Variants in EPHB1 observed in about 807,000 individuals in gnomAD.
EPHB1 encodes the protein EPH receptor B1, also known as ephrin type-B receptor 1.
EPHB1 carries 30 observed loss-of-function variants against 94.4 expected under a neutral mutation model. That is an observed-to-expected ratio of 0.32 (90% confidence interval 0.24 to 0.43). The LOEUF (loss-of-function observed/expected upper bound fraction) is 0.43, where lower values mean the gene tolerates loss of function less well. Among genes scored for constraint, EPHB1 ranks in the 20% least tolerant of loss-of-function variants. The pLI, the probability that EPHB1 is intolerant of heterozygous loss-of-function variation, is 1.00. For missense variants in EPHB1, 1,055 were observed against 1,308.3 expected (o/e 0.81, Z 2.99); for synonymous variants, 522 against 489.1 (o/e 1.07, Z -0.89).
Position 135,154,226 on chromosome 3 carries a change from G to A in EPHB1, c.1372G>A (p.Glu458Lys). The A allele has an allele frequency of 6.2e-7, 1 of 1,614,012 alleles. No homozygotes were observed. Among genetic ancestry groups the A allele is most frequent in the Non-Finnish European group, 8.5e-7 (1 of 1,179,876 alleles). Residue 458 changes from glutamate to lysine, a missense_variant, in exon 6 of 16, where the codon GAG becomes AAG. By Grantham distance (56) the Glu-to-Lys change is moderately conservative. Coordinates refer to ENST00000398015, the MANE Select transcript of EPHB1 (RefSeq NM_004441.5). ...RSITLSWPQPEQPNGIILDYE... is the reference protein window; with the variant it reads ...RSITLSWPQPKQPNGIILDYE... Reference sequence around the variant, plus strand: ...CATCACCTTGTCATGGCCACAGCCGGAGCAGCCCAATGGCATCATCCTGGA... The same window carrying A: ...CATCACCTTGTCATGGCCACAGCCGAAGCAGCCCAATGGCATCATCCTGGA...
At chr3:134,899,348 C>A (rs571226342) in intron 1 of EPHB1, among the ~76,000 whole-genome samples, 1 of 152,192 alleles carries the variant, frequency 6.6e-6, no homozygotes, top group South Asian at 2.1e-4. Flanking sequence ...TGTTCCTTTA[C>A]TCTCCTCATT....
intron 1 of EPHB1, among the ~76,000 whole-genome samples, chr3:134,815,500 A>G (rs1362075932): frequency 6.6e-6 from 1 of 152,198 alleles, no homozygotes; most frequent in Admixed American, 6.5e-5. Context: ...ATGTGGCAAA[A>G]TGTTAAAAAT....
intron 1 of EPHB1, among the ~76,000 whole-genome samples, chr3:134,858,365 T>C (rs1396913595): frequency 1.3e-5 from 2 of 152,092 alleles, no homozygotes; most frequent in African/African-American, 4.8e-5. Context: ...CAGTGGCACG[T>C]GGGAGGGCGT....
chr3:134,809,003 T>C (rs1578102304), intron 1 of EPHB1, among the ~76,000 whole-genome samples: 2 of 152,344 alleles, frequency 1.3e-5, no homozygotes, highest in South Asian at 4.1e-4. Flanking sequence ...TTGATATCCA[T>C]TGGAGAGCAA....
At chr3:135,223,210 G>A (rs1220100110) in intron 12 of EPHB1, among the ~76,000 whole-genome samples, 1 of 152,172 alleles carries the variant, frequency 6.6e-6, no homozygotes, top group Non-Finnish European at 1.5e-5. Flanking sequence ...ATATGAGTCT[G>A]TCCACATGGG....
chr3:135,037,023 G>A (rs1936667643), intron 3 of EPHB1, among the ~76,000 whole-genome samples: 1 of 152,090 alleles, frequency 6.6e-6, no homozygotes, highest in Admixed American at 6.5e-5. Flanking sequence ...TAGATGGATT[G>A]TTGTTCTTTA....
At chr3:134,803,215 T>A (rs1032660391) in intron 1 of EPHB1, among the ~76,000 whole-genome samples, 1 of 152,154 alleles carries the variant, frequency 6.6e-6, no homozygotes, top group African/African-American at 2.4e-5. Context: ...GCGTCTCTCA[T>A]CTCTCCCCTC....
intron 12 of EPHB1, among the ~76,000 whole-genome samples, chr3:135,225,855 A>G (rs904130622): frequency 6.6e-6 from 1 of 151,932 alleles, no homozygotes; most frequent in Non-Finnish European, 1.5e-5. Flanking sequence ...ACAGGCAGGG[A>G]AGCAAAGACC....
At chr3:134,904,618 A>G (rs977584727) in intron 1 of EPHB1, among the ~76,000 whole-genome samples, 5 of 152,156 alleles carry the variant, frequency 3.3e-5, no homozygotes, top group Non-Finnish European at 7.3e-5. Context: ...TAGCTGGGAG[A>G]AATACCTCCT....
chr3:134,918,234 G>A (rs774119253), intron 1 of EPHB1, among the ~76,000 whole-genome samples: 9 of 152,192 alleles, frequency 5.9e-5, no homozygotes, highest in South Asian at 2.1e-4. Flanking sequence ...TCTTTCAGGT[G>A]TGTAGAGGGG....
In EPHB1 at chr3:135,201,818, A is replaced by G. The variant is rs146994501; in HGVS notation, c.2346+129A>G. 259 of 894,990 alleles carry G rather than the reference A, an allele frequency of 2.9e-4. 1 individual carries two copies. In the African/African-American group the frequency reaches 3.9e-3, roughly 14 times the overall value. 55.4% of individuals were successfully genotyped at this position (894,990 alleles called of 1,614,324 possible). On this transcript the variant is annotated intron_variant, in intron 12 of 15. Transcript: ENST00000398015. ...GAACTGAGCTCTCCACTGAAAGACCAAGATGCCAGGAGGACCATCCAGCTG... is the reference window on the plus strand; with the variant it reads ...GAACTGAGCTCTCCACTGAAAGACCGAGATGCCAGGAGGACCATCCAGCTG...
chr3:135,177,797 T>A (rs977063791), intron 9 of EPHB1, among the ~76,000 whole-genome samples: 18 of 152,314 alleles, frequency 1.2e-4, no homozygotes, highest in African/African-American at 4.3e-4. Context: ...GTTCTCTATA[T>A]GCTTCCAATC....
At chr3:134,843,601 A>T (rs1429445356) in intron 1 of EPHB1, among the ~76,000 whole-genome samples, 3 of 151,306 alleles carry the variant, frequency 2.0e-5, no homozygotes, top group Non-Finnish European at 4.4e-5. Flanking sequence ...TTTGGACATG[A>T]TAATTTCCAT....
chr3:135,139,157 G>A (rs908523012), intron 5 of EPHB1, among the ~76,000 whole-genome samples: 1 of 152,218 alleles, frequency 6.6e-6, no homozygotes, highest in African/African-American at 2.4e-5. Flanking sequence ...TGGCTGGGGA[G>A]TGGTGATGAG....
chr3:134,924,544 A>G (rs951639181), intron 1 of EPHB1, among the ~76,000 whole-genome samples: 1 of 152,226 alleles, frequency 6.6e-6, no homozygotes, highest in Admixed American at 6.5e-5. Context: ...ATATATCACT[A>G]CACACTGATT....
intron 3 of EPHB1, among the ~76,000 whole-genome samples, chr3:135,031,290 T>C (rs1385675739): frequency 6.6e-6 from 1 of 151,932 alleles, no homozygotes; most frequent in Admixed American, 6.6e-5. Flanking sequence ...TTCTTCCTTC[T>C]CTCTCTCTCT....
At chr3:134,887,978 A>G (rs1307488965) in intron 1 of EPHB1, among the ~76,000 whole-genome samples, 1 of 152,180 alleles carries the variant, frequency 6.6e-6, no homozygotes, top group Non-Finnish European at 1.5e-5. Context: ...CAAGTTTAGC[A>G]TTTACAAGTG....
At chr3:135,195,001 G>T (rs1225094066) in intron 11 of EPHB1, among the ~76,000 whole-genome samples, 1 of 152,148 alleles carries the variant, frequency 6.6e-6, no homozygotes, top group Non-Finnish European at 1.5e-5. Flanking sequence ...CTTTCCTGGG[G>T]ACATTCATTT....
chr3:134,820,876 C>G (rs1261558519), intron 1 of EPHB1, among the ~76,000 whole-genome samples: 1 of 152,078 alleles, frequency 6.6e-6, no homozygotes, highest in African/African-American at 2.4e-5. Flanking sequence ...GAAACAGAAC[C>G]AATAGGATAT....
Sources: gnomAD v4.1 joint callset for allele counts (sites outside exome capture counted in the v4.1 genomes callset) on GRCh38, gnomAD v4.1.1 for gene constraint, MANE v1.5 for transcripts, NCBI Gene and HGNC (gene_info 2026-07-23, HGNC 2026-07-21) for gene names.